RERE: variants seen among roughly 807,000 people sequenced by gnomAD.
RERE encodes the protein arginine-glutamic acid dipeptide repeats protein.
RERE carries 40 observed loss-of-function variants against 146.1 expected under a neutral mutation model. That is an observed-to-expected ratio of 0.27 (90% CI 0.21 to 0.36). RERE has a LOEUF of 0.36. Ranked by LOEUF, RERE falls within the 10% of genes least tolerant of loss-of-function variation. The pLI is 1.00. For missense variants in RERE, 1,933 were observed against 2,138.7 expected, an observed-to-expected ratio of 0.90 and a Z score of 1.90; for synonymous variants, 1,003 against 866.0, an observed-to-expected ratio of 1.16 and a Z score of -2.78.
intron 1 of RERE, among the ~76,000 whole-genome samples, chr1:8,699,247 A>C (rs561123032): frequency 6.6e-6 from 1 of 152,222 alleles, no homozygotes; most frequent in Non-Finnish European, 1.5e-5. Context: ...TTCTGGTATG[A>C]GAAAACAGTC....
intron 1 of RERE, among the ~76,000 whole-genome samples, chr1:8,670,854 A>G (rs1638696367): frequency 6.6e-6 from 1 of 152,180 alleles, no homozygotes; most frequent in East Asian, 1.9e-4. Flanking sequence ...AATCCGAGGT[A>G]CATTTTAACA....
At chr1:8,451,484 T>A (rs1400752126) in intron 11 of RERE, among the ~76,000 whole-genome samples, 1 of 152,012 alleles carries the variant, frequency 6.6e-6, no homozygotes, top group Non-Finnish European at 1.5e-5. Flanking sequence ...CTCCCACCAA[T>A]TTTCTAGCCC....
intron 2 of RERE, among the ~76,000 whole-genome samples, chr1:8,628,159 A>G (rs1646996507): frequency 6.6e-6 from 1 of 152,224 alleles, no homozygotes. Flanking sequence ...AAGGTTAATA[A>G]TCTGTAAAAT....
intron 2 of RERE, among the ~76,000 whole-genome samples, chr1:8,639,371 T>C (rs1647145637): frequency 6.6e-6 from 1 of 152,180 alleles, no homozygotes; most frequent in Admixed American, 6.5e-5. Context: ...CCAACTGCAA[T>C]CTTTAAAAAG....
chr1:8,358,111 T>C, intron 20 of RERE, 85 bp downstream of exon 20: 4 of 1,514,954 alleles, frequency 2.6e-6, no homozygotes, highest in Non-Finnish European at 3.5e-6. Context: ...AAGAACAGTT[T>C]CCGCTCCTGG....
intron 12 of RERE, among the ~76,000 whole-genome samples, chr1:8,420,870 T>C (rs1643900966): frequency 6.6e-6 from 1 of 152,152 alleles, no homozygotes; most frequent in Admixed American, 6.5e-5. Context: ...GTACTGAGAA[T>C]GCCTCTGAAG....
In RERE at chr1:8,584,798, G is replaced by A. The variant is rs138788069; in HGVS notation, c.523-27275C>T. Among the ~76,000 whole-genome samples, 1,211 of 152,254 alleles carry A rather than the reference G, an allele frequency of 8.0e-3. 12 individuals are homozygous for A. The highest frequency in any genetic ancestry group is 0.028 in the African/African-American group (1,156 of 41,528). On this transcript the variant is annotated intron_variant, in intron 4 of 22. Transcript: ENST00000400908. ...ACTGTTTCCAGAAATCATAATTGGTGGTGTCAGTACTAGTATTGTTACTCT... is the reference window on the plus strand; with the variant it reads ...ACTGTTTCCAGAAATCATAATTGGTAGTGTCAGTACTAGTATTGTTACTCT...
chr1:8,491,567 C>A (rs1293197015), intron 10 of RERE, among the ~76,000 whole-genome samples: 1 of 150,152 alleles, frequency 6.7e-6, no homozygotes, highest in African/African-American at 2.5e-5. Context: ...TGCAGTGAGC[C>A]GTGATCCACC....
chr1:8,482,431 C>T (rs936433318), intron 10 of RERE, among the ~76,000 whole-genome samples: 1 of 151,962 alleles, frequency 6.6e-6, no homozygotes, highest in African/African-American at 2.4e-5. Context: ...CCTGTAATCC[C>T]AGCACTTTGG....
At chr1:8,524,271 A>C (rs1168186510) in intron 7 of RERE, among the ~76,000 whole-genome samples, 1 of 152,148 alleles carries the variant, frequency 6.6e-6, no homozygotes, top group Non-Finnish European at 1.5e-5. Flanking sequence ...ATAAACGCAC[A>C]CCCTAAATTA....
intron 1 of RERE, among the ~76,000 whole-genome samples, chr1:8,800,454 T>C (rs945869847): frequency 3.3e-5 from 5 of 152,162 alleles, no homozygotes; most frequent in African/African-American, 1.2e-4. Context: ...ACCACGAAAG[T>C]ATATCTTAAA....
intron 1 of RERE, among the ~76,000 whole-genome samples, chr1:8,757,886 ATG>A (rs1213046451): frequency 6.6e-6 from 1 of 152,000 alleles, no homozygotes; most frequent in East Asian, 1.9e-4. Flanking sequence ...TCACATACAT[ATG>A]TATACACACA....
rs1481358827 is a variant in RERE, at chr1:8,358,346, C to A, written c.4189G>T (p.Ala1397Ser). The change falls in exon 20 of 23, where the codon GCA (alanine) becomes TCA (serine). Residue 1397 changes from alanine to serine, a missense_variant. Ala to Ser is a moderately conservative substitution (Grantham distance 99). Coordinates refer to ENST00000400908, the MANE Select transcript of RERE (RefSeq NM_001042681.2). ...CGCTCTGCGTGGATACGCTCGGCTG[C>A]CAGTCTGTCAGGGTAGCTCATCTCG... Reference protein sequence around the residue: ...RPEMSYPDRLAAERIHAERMA... With the variant: ...RPEMSYPDRLSAERIHAERMA... 1 of 1,613,050 alleles carries A rather than the reference C, an allele frequency of 6.2e-7. No individual in the cohort carries two copies. The highest frequency in any genetic ancestry group is 1.1e-5 in the South Asian group (1 of 91,070).
At chr1:8,414,190 C>T (rs1643696159) in intron 12 of RERE, among the ~76,000 whole-genome samples, 1 of 152,064 alleles carries the variant, frequency 6.6e-6, no homozygotes, top group South Asian at 2.1e-4. Context: ...CTAGACAGCA[C>T]AGGCCTGGGG....
chr1:8,435,005 A>G (rs1644149195), intron 11 of RERE, among the ~76,000 whole-genome samples: 2 of 152,286 alleles, frequency 1.3e-5, no homozygotes, highest in Non-Finnish European at 2.9e-5. Context: ...ATAAATGATC[A>G]TCATTGCTTT....
At chr1:8,439,009 C>T (rs1449671181) in intron 11 of RERE, among the ~76,000 whole-genome samples, 3 of 152,172 alleles carry the variant, frequency 2.0e-5, no homozygotes, top group Non-Finnish European at 4.4e-5. Flanking sequence ...GTTTACTGTA[C>T]TTACAGTTCC....
At chr1:8,735,701 C>T (rs1300465617) in intron 1 of RERE, among the ~76,000 whole-genome samples, 6 of 152,086 alleles carry the variant, frequency 3.9e-5, no homozygotes, top group African/African-American at 1.4e-4. Context: ...TGGTTTAGCA[C>T]CATCCCCTCG....
At chr1:8,382,347 T>C (rs1483929374) in intron 12 of RERE, among the ~76,000 whole-genome samples, 1 of 152,246 alleles carries the variant, frequency 6.6e-6, no homozygotes, top group East Asian at 1.9e-4. Flanking sequence ...CCCACAAGTA[T>C]CCCAATTTCT....
intron 1 of RERE, among the ~76,000 whole-genome samples, chr1:8,775,844 C>G (rs1641053659): frequency 6.6e-6 from 1 of 152,122 alleles, no homozygotes; most frequent in Non-Finnish European, 1.5e-5. Flanking sequence ...GTAGGTATTA[C>G]TACTATCTCC....
Sources: allele counts gnomAD v4.1 joint callset (sites outside exome capture counted in the v4.1 genomes callset), GRCh38; gene constraint gnomAD v4.1.1; transcripts MANE v1.5; gene names NCBI Gene and HGNC (gene_info 2026-07-23, HGNC 2026-07-21).